Variants in VPS8 observed in about 807,000 individuals in gnomAD.
VPS8 encodes VPS8 subunit of CORVET complex, also known as vacuolar protein sorting-associated protein 8 homolog.
VPS8 carries 129 observed loss-of-function variants against 216.4 expected under a neutral mutation model. The observed-to-expected ratio is 0.60, with a 90% confidence interval of 0.52 to 0.69. The LOEUF is 0.69. VPS8 is among the 30% of genes least tolerant of loss of function. The pLI is 0.00. For synonymous variants in VPS8, 571 were observed against 565.4 expected (o/e 1.01, Z -0.14); for missense variants, 1,531 against 1,683.5 (o/e 0.91, Z 1.59).
intron 5 of VPS8, chr3:184,834,955 C>T (rs1720746632): frequency 2.3e-6 from 1 of 441,116 alleles, no homozygotes. Flanking sequence ...TAAAGTTCTG[C>T]TCAGAGTCTA....
Position 185,012,381 on chromosome 3 carries a change from A to G in VPS8, c.4003-11955A>G, listed in dbSNP as rs967511836. On this transcript the variant is annotated intron_variant, in intron 45 of 47. Transcript: ENST00000625842. The stretch of plus-strand genomic sequence containing the variant: ...TATATGATAAACATAAATATAATAT[A>G]CAACATATATAGAATATATATATAA... 2.7e-5 allele frequency among the ~76,000 whole-genome samples: 4 copies of G among 148,186 alleles called. No individual in the cohort carries two copies. In the South Asian group the frequency reaches 8.3e-4, roughly 31 times the overall value.
intron 39 of VPS8, among the ~76,000 whole-genome samples, chr3:184,970,678 T>C (rs1748258283): frequency 6.6e-6 from 1 of 152,218 alleles, no homozygotes; most frequent in Non-Finnish European, 1.5e-5. Flanking sequence ...TAGTGTCAGA[T>C]CCTTACTTAC....
At chr3:185,040,851 C>T (rs934228630) in intron 46 of VPS8, among the ~76,000 whole-genome samples, 2 of 152,008 alleles carry the variant, frequency 1.3e-5, no homozygotes, top group Admixed American at 1.3e-4. Flanking sequence ...TCATTTTTTT[C>T]CTCCCAAGGA....
rs572944809 is a variant in VPS8 at position 185,024,295 on chromosome 3, A to G, written c.4003-41A>G. ...AATGTGGGTCAGACAAAACTAGACT[A>G]TAACTGAAAGGGTATTAAAATGTTT... On this transcript the variant is annotated intron_variant, in intron 45 of 47. Transcript: ENST00000625842. The G allele has an allele frequency of 8.4e-6, 13 of 1,544,382 alleles. No individual in the cohort carries two copies. In the Admixed American group the frequency reaches 1.4e-4, roughly 16 times the overall value.
At chr3:185,037,916 C>T (rs1019025449) in intron 46 of VPS8, among the ~76,000 whole-genome samples, 4 of 152,144 alleles carry the variant, frequency 2.6e-5, no homozygotes, top group African/African-American at 9.7e-5. Flanking sequence ...AGGATATTTA[C>T]AGTGACTATT....
At chr3:184,926,547 A>C (rs1329314187) in intron 30 of VPS8, 47 bp from the exon 31 acceptor site, 1 of 1,522,996 alleles carries the variant, frequency 6.6e-7, no homozygotes, top group East Asian at 2.4e-5. Context: ...GAGAGTATTA[A>C]TGTCTAGATG....
At chr3:184,835,598 A>C (rs1037493409) in intron 5 of VPS8, among the ~76,000 whole-genome samples, 1 of 152,114 alleles carries the variant, frequency 6.6e-6, no homozygotes, top group Non-Finnish European at 1.5e-5. Context: ...ATATAATGAT[A>C]ATGACAGATT....
chr3:184,860,498 CACAG>C (rs765645443), intron 15 of VPS8, among the ~76,000 whole-genome samples: 1 of 140,346 alleles, frequency 7.1e-6, no homozygotes, highest in African/African-American at 2.8e-5. Flanking sequence ...CACACACACA[CACAG>C]AAAGAGGGAG....
chr3:184,935,241 CT>C (rs1741394989), intron 34 of VPS8, among the ~76,000 whole-genome samples: 1 of 151,796 alleles, frequency 6.6e-6, no homozygotes, highest in Non-Finnish European at 1.5e-5. Context: ...TTTATTTTGT[CT>C]GAATTTCCAA....
Position 184,929,633 on chromosome 3 carries a change from T to C in VPS8, c.2768T>C (p.Ile923Thr). 1 of 1,531,282 alleles carries C rather than the reference T, an allele frequency of 6.5e-7. No homozygotes were observed. The highest frequency in any genetic ancestry group is 1.2e-5 in the South Asian group (1 of 81,452). The allele number at this position is 1,531,282 out of a possible 1,614,324, so 94.9% of individuals were successfully genotyped here. ...AGAGAACACCAATATGATAAAATTA[T>C]TGATTGCTACTTACGTGACCCTCTG... ...YEREHQYDKI[I>T]DCYLRDPLRE... The change falls in exon 33 of 48, where the codon ATT (isoleucine) becomes ACT (threonine). Residue 923 changes from isoleucine (I) to threonine (T), a missense_variant. By Grantham distance (89) the Ile-to-Thr change is moderately conservative (BLOSUM62 -1). Around this residue, in one of 3 missense-constraint regions of VPS8, gnomAD observed 1,318 missense variants for 1,468.4 expected, o/e 0.90. Coordinates refer to ENST00000625842, the MANE Select transcript of VPS8 (RefSeq NM_001009921.3).
chr3:184,833,173 C>T (rs929484975), intron 4 of VPS8, among the ~76,000 whole-genome samples: 9 of 152,198 alleles, frequency 5.9e-5, no homozygotes, highest in Admixed American at 3.3e-4. Flanking sequence ...CCCTGTCATC[C>T]GCATTCTCTA....
intron 10 of VPS8, among the ~76,000 whole-genome samples, chr3:184,850,401 T>G (rs1724025481): frequency 1.3e-5 from 2 of 152,214 alleles, no homozygotes; most frequent in Non-Finnish European, 2.9e-5. Context: ...GTTTAGGTCA[T>G]CAAAATTTTA....
chr3:184,898,414 A>G lies in VPS8; in HGVS notation c.2005-151A>G, dbSNP rs1007853531. 9.0e-6 allele frequency: 6 copies of G among 666,956 alleles called. No individual in the cohort carries two copies. In the African/African-American group the frequency reaches 9.3e-5, roughly 10 times the overall value. The allele number at this position is 666,956 out of a possible 1,614,324, so 41.3% of individuals were successfully genotyped here. A position where few individuals can be genotyped will look rare whatever the true frequency, so the allele number is the denominator to read the frequency against. On this transcript the variant is annotated intron_variant, in intron 23 of 47. Coordinates refer to ENST00000625842, the MANE Select transcript of VPS8 (RefSeq NM_001009921.3). Reference sequence around the variant, plus strand: ...CACCTACAGCAGCTCTTACCCTTGCATTGTGTTTGAGTACTTGAATTTCAG... The same window carrying G: ...CACCTACAGCAGCTCTTACCCTTGCGTTGTGTTTGAGTACTTGAATTTCAG...
At chr3:184,887,444 A>G (rs1731493807) in intron 22 of VPS8, among the ~76,000 whole-genome samples, 1 of 151,322 alleles carries the variant, frequency 6.6e-6, no homozygotes, top group African/African-American at 2.4e-5. Context: ...ATAACCAGGT[A>G]TTGTTCTAAA....
At chr3:184,886,023 T>C (rs1405399608) in intron 21 of VPS8, 87 bp from the exon 22 acceptor site, 5 of 1,433,970 alleles carry the variant, frequency 3.5e-6, no homozygotes, top group Middle Eastern at 1.7e-4. Flanking sequence ...CCTAACAATC[T>C]AAAAGCATCT....
intron 15 of VPS8, 72 bp downstream of exon 15, chr3:184,860,137 T>C (rs1193005408): frequency 3.2e-6 from 4 of 1,244,754 alleles, no homozygotes; most frequent in South Asian, 1.3e-5. Context: ...ATATTAAAGC[T>C]ACCAGGATTT....
At chr3:184,822,883 C>G (rs1056232362) in intron 1 of VPS8, among the ~76,000 whole-genome samples, 1 of 152,090 alleles carries the variant, frequency 6.6e-6, no homozygotes, top group African/African-American at 2.4e-5. Flanking sequence ...GTTATGTGTT[C>G]TAGGAATGTG....
intron 1 of VPS8, chr3:184,816,252 G>A (rs944877487): frequency 6.6e-6 from 1 of 152,060 alleles, no homozygotes; most frequent in South Asian, 2.1e-4. Context: ...TGTAGACTTC[G>A]TTCATATTAT....
intron 38 of VPS8, 33 bp from the exon 39 acceptor site, chr3:184,966,638 C>CT: frequency 6.7e-7 from 1 of 1,488,602 alleles, no homozygotes; most frequent in Non-Finnish European, 9.1e-7. Flanking sequence ...TAAAGTGTTC[C>CT]TTTTTAACTC....
Sources: allele counts gnomAD v4.1 joint callset (sites outside exome capture counted in the v4.1 genomes callset), GRCh38; gene constraint gnomAD v4.1.1; regional missense constraint gnomAD v4.1.1; transcripts MANE v1.5; gene names NCBI Gene and HGNC (gene_info 2026-07-23, HGNC 2026-07-21).